Variants in STEAP3 observed in about 807,000 individuals in gnomAD.
STEAP3 encodes the protein metalloreductase STEAP3.
A neutral mutation model predicts 34.9 loss-of-function variants in STEAP3; 35 were observed. The observed-to-expected ratio is 1.00, with a 90% CI of 0.76 to 1.33. The LOEUF is 1.33. Among genes scored for constraint, STEAP3 ranks in the 40% most tolerant of loss-of-function variants. The probability of loss-of-function intolerance (pLI) is 0.00; values close to 1 mark genes in which losing one functional copy is unlikely to be tolerated. For synonymous variants in STEAP3, 281 were observed against 301.6 expected (o/e 0.93, Z 0.71); for missense variants, 652 against 667.6 (o/e 0.98, Z 0.26).
In STEAP3 at chr2:119,264,117, G is replaced by C. The variant is rs144970070; in HGVS notation, c.*779G>C. On this transcript the variant is annotated 3_prime_UTR_variant, in exon 6 of 6. Transcript: ENST00000393110. ...CAGAGCCATTAGTGAGCCTGGCTTG[G>C]GAACAAGTGTAATTTCCTTCCCTCC... 6.5e-6 allele frequency: 1 copy of C among 153,434 alleles called. No individual in the cohort carries two copies. The highest frequency in any genetic ancestry group is 2.4e-5 in the African/African-American group (1 of 41,570). The allele number at this position is 153,434 out of a possible 1,614,324, so 9.5% of individuals were successfully genotyped here. A position where few individuals can be genotyped will look rare whatever the true frequency, so the allele number is the denominator to read the frequency against.
At chr2:119,261,429 C>T (rs967451368) in intron 5 of STEAP3, among the ~76,000 whole-genome samples, 5 of 152,022 alleles carry the variant, frequency 3.3e-5, no homozygotes, top group Admixed American at 1.3e-4. Context: ...TCGCTATTTC[C>T]ATCCCTGTGT....
At chr2:119,233,985 C>T in intron 2 of STEAP3, among the ~76,000 whole-genome samples, 1 of 152,084 alleles carries the variant, frequency 6.6e-6, no homozygotes. Flanking sequence ...CCTGGGAATC[C>T]AAAGAAAGAG....
At chr2:119,236,664 G>A (rs960589432) in intron 2 of STEAP3, among the ~76,000 whole-genome samples, 1 of 152,150 alleles carries the variant, frequency 6.6e-6, no homozygotes, top group Non-Finnish European at 1.5e-5. Flanking sequence ...GGGACCTAAT[G>A]CCCCACTTAG....
intron 1 of STEAP3, among the ~76,000 whole-genome samples, chr2:119,227,530 A>T (rs539671878): frequency 3.3e-5 from 5 of 152,330 alleles, no homozygotes; most frequent in African/African-American, 1.2e-4. Context: ...ATTGTTCCGC[A>T]ATCAGGCTGT....
At chr2:119,230,543 T>C (rs1469918860) in intron 1 of STEAP3, 77 bp from the exon 2 acceptor site, 1 of 167,114 alleles carries the variant, frequency 6.0e-6, no homozygotes, top group Non-Finnish European at 1.3e-5. Context: ...GCAGCCATTA[T>C]GTTTGCCTTT....
intron 2 of STEAP3, among the ~76,000 whole-genome samples, chr2:119,235,529 CCCACACCAG>C (rs1677070052): frequency 6.6e-6 from 1 of 152,230 alleles, no homozygotes; most frequent in African/African-American, 2.4e-5. Context: ...AAGTGTGGTC[CCCACACCAG>C]CAGCACCAGC....
intron 2 of STEAP3, among the ~76,000 whole-genome samples, chr2:119,238,132 G>T (rs550076981): frequency 6.6e-6 from 1 of 152,310 alleles, no homozygotes; most frequent in African/African-American, 2.4e-5. Flanking sequence ...ATGTTTTTGT[G>T]TGGATATACA....
intron 2 of STEAP3, among the ~76,000 whole-genome samples, chr2:119,233,094 T>C (rs1333872996): frequency 6.6e-6 from 1 of 152,218 alleles, no homozygotes; most frequent in Non-Finnish European, 1.5e-5. Flanking sequence ...CATCTGCCAA[T>C]GGCAGCAGCT....
chr2:119,263,293 G>C lies in STEAP3; in HGVS notation c.1452G>C (p.Thr484=). Residue 484 remains threonine, a synonymous_variant, in exon 6 of 6, where the codon ACG becomes ACC. Coordinates refer to ENST00000393110, the MANE Select transcript of STEAP3 (RefSeq NM_182915.3). ...AGAGGGAGAGCACCATCAAGTTCACGCTGCCCACAGACCACGCCCTGGCCG... is the reference window on the plus strand; with the variant it reads ...AGAGGGAGAGCACCATCAAGTTCACCCTGCCCACAGACCACGCCCTGGCCG... The part of the protein sequence containing the change: ...GWERESTIKF[T]LPTDHALAEK... 6.2e-7 allele frequency: 1 copy of C among 1,613,896 alleles called. No individual in the cohort carries two copies. Among genetic ancestry groups the C allele is most frequent in the Non-Finnish European group, 8.5e-7 (1 of 1,179,984 alleles).
chr2:119,257,768 T>A, intron 5 of STEAP3: 2 of 1,324,386 alleles, frequency 1.5e-6, no homozygotes, highest in Non-Finnish European at 1.9e-6. Context: ...CCTACACACA[T>A]GTCCACAGCA....
rs1446164355 is a variant in STEAP3 at position 119,263,904 on chromosome 2, A to G, written c.*566A>G. ...GGCAGCAGCAGGAGGCCTGGGGAGG[A>G]GGAAAATCAGGCAGTCGGCCTGGAG... On this transcript the variant is annotated 3_prime_UTR_variant, in exon 6 of 6. Coordinates refer to ENST00000393110, the MANE Select transcript of STEAP3 (RefSeq NM_182915.3). 1.1e-5 allele frequency: 2 copies of G among 179,346 alleles called. No homozygotes were observed. Among genetic ancestry groups the G allele is most frequent in the Non-Finnish European group, 2.4e-5 (2 of 84,098 alleles). 11.1% of individuals were successfully genotyped at this position (179,346 alleles called of 1,614,324 possible). A position where few individuals can be genotyped will look rare whatever the true frequency, so the allele number is the denominator to read the frequency against.
intron 2 of STEAP3, among the ~76,000 whole-genome samples, chr2:119,234,924 T>C (rs1347434535): frequency 6.6e-6 from 1 of 152,170 alleles, no homozygotes; most frequent in African/African-American, 2.4e-5. Flanking sequence ...ACGCTGGCGA[T>C]GGGTAGTAAT....
chr2:119,246,363 C>G (rs838082), intron 3 of STEAP3: 185,382 of 206,518 alleles, frequency 0.9, 84,232 homozygotes, highest in East Asian at 1. Flanking sequence ...CTTATGTACC[C>G]GGCCCTGAGG....
At chr2:119,224,505 C>A (rs944823657) in intron 1 of STEAP3, among the ~76,000 whole-genome samples, 6 of 152,208 alleles carry the variant, frequency 3.9e-5, no homozygotes, top group African/African-American at 1.4e-4. Flanking sequence ...CCCACTTCCC[C>A]GAAATTTGGG....
At chr2:119,254,926 A>T (rs1677734338) in intron 5 of STEAP3, 78 bp downstream of exon 5, 3 of 1,522,602 alleles carry the variant, frequency 2.0e-6, no homozygotes, top group South Asian at 2.4e-5. Context: ...TCTGCCTTTG[A>T]GAACTGCCTG....
At chr2:119,262,833 A>C (rs1341020836) in intron 5 of STEAP3, among the ~76,000 whole-genome samples, 1 of 152,220 alleles carries the variant, frequency 6.6e-6, no homozygotes, top group Non-Finnish European at 1.5e-5. Flanking sequence ...CCTTCAGCAT[A>C]GAAGCATTAT....
chr2:119,257,598 G>T, intron 5 of STEAP3: 1 of 1,530,902 alleles, frequency 6.5e-7, no homozygotes, highest in Non-Finnish European at 8.8e-7. Flanking sequence ...ACTTGTGCCT[G>T]TGTCCACCCC....
intron 5 of STEAP3, among the ~76,000 whole-genome samples, chr2:119,260,012 C>T (rs1411230207): frequency 6.6e-6 from 1 of 152,174 alleles, no homozygotes; most frequent in Non-Finnish European, 1.5e-5. Flanking sequence ...ATCCGCCGAA[C>T]CTTAAAAAAC....
intron 5 of STEAP3, among the ~76,000 whole-genome samples, chr2:119,259,744 A>G (rs1230139381): frequency 6.6e-6 from 1 of 152,202 alleles, no homozygotes; most frequent in Non-Finnish European, 1.5e-5. Flanking sequence ...CAAAGACCTC[A>G]CTGGGGCTAC....
Sources: allele counts gnomAD v4.1 joint callset (sites outside exome capture counted in the v4.1 genomes callset), GRCh38; gene constraint gnomAD v4.1.1; transcripts MANE v1.5; gene names NCBI Gene and HGNC (gene_info 2026-07-23, HGNC 2026-07-21).